The following FAM222A variants were observed in gnomAD, a reference collection of about 807,000 sequenced individuals.
The protein encoded by FAM222A is family with sequence similarity 222 member A, also known as protein FAM222A.
Under a neutral mutation model 25.8 loss-of-function variants are expected in FAM222A, and 7 were observed. The observed-to-expected ratio is 0.27, with a 90% CI of 0.15 to 0.51. The LOEUF is 0.51. FAM222A is among the 20% of genes least tolerant of loss of function. The pLI, the probability that FAM222A is intolerant of heterozygous loss-of-function variation, is 0.97. For missense variants in FAM222A, 573 were observed against 640.5 expected, an observed-to-expected ratio of 0.89 and a Z score of 1.14; for synonymous variants, 294 against 298.8, an observed-to-expected ratio of 0.98 and a Z score of 0.17.
intron 2 of FAM222A, among the ~76,000 whole-genome samples, chr12:109,763,802 GGAGT>G (rs1888965129): frequency 6.6e-6 from 1 of 152,290 alleles, no homozygotes; most frequent in African/African-American, 2.4e-5. Context: ...AAAAATCATT[GGAGT>G]GAGTGGCAGA....
At chr12:109,719,634 C>T (rs1226141698) in intron 1 of FAM222A, among the ~76,000 whole-genome samples, 1 of 152,104 alleles carries the variant, frequency 6.6e-6, no homozygotes, top group Non-Finnish European at 1.5e-5. Flanking sequence ...TGCTCTGTGC[C>T]CTGAGGACTG....
chr12:109,769,567 A>G lies in FAM222A; in HGVS notation c.*279A>G. 2.0e-6 allele frequency: 1 copy of G among 489,008 alleles called. No homozygotes were observed. Among genetic ancestry groups the G allele is most frequent in the Non-Finnish European group, 3.6e-6 (1 of 275,596 alleles). 30.3% of individuals were successfully genotyped at this position (489,008 alleles called of 1,614,324 possible). A position where few individuals can be genotyped will look rare whatever the true frequency, so the allele number is the denominator to read the frequency against. Reference sequence around the variant, plus strand: ...TGCCTTCCTTTATCTAAGCTGGCAGAGGCAGGGAGAGAGAAACCACTCAAA... The same window carrying G: ...TGCCTTCCTTTATCTAAGCTGGCAGGGGCAGGGAGAGAGAAACCACTCAAA... On this transcript the variant is annotated 3_prime_UTR_variant, in exon 3 of 3. Coordinates refer to ENST00000538780, the MANE Select transcript of FAM222A (RefSeq NM_032829.3).
intron 1 of FAM222A, among the ~76,000 whole-genome samples, chr12:109,740,237 C>A (rs940349734): frequency 6.6e-6 from 1 of 152,168 alleles, no homozygotes; most frequent in Non-Finnish European, 1.5e-5. Flanking sequence ...AAGGACACAT[C>A]GACAGCTGGG....
intron 1 of FAM222A, among the ~76,000 whole-genome samples, chr12:109,729,201 A>G (rs1887895657): frequency 6.6e-6 from 1 of 151,152 alleles, no homozygotes; most frequent in Non-Finnish European, 1.5e-5. Context: ...CCCAAGAGAA[A>G]GCAGACAATA....
chr12:109,716,810 A>G (rs1250768917), intron 1 of FAM222A, among the ~76,000 whole-genome samples: 1 of 152,248 alleles, frequency 6.6e-6, no homozygotes. Flanking sequence ...CTTGGCACTC[A>G]GCGTGCCAGA....
At chr12:109,746,532 T>G (rs188973320) in intron 2 of FAM222A, among the ~76,000 whole-genome samples, 1 of 152,220 alleles carries the variant, frequency 6.6e-6, no homozygotes, top group Admixed American at 6.5e-5. Context: ...TGACTTATAG[T>G]TTATTGGGTA....
At chr12:109,765,402 G>C (rs943930647) in intron 2 of FAM222A, among the ~76,000 whole-genome samples, 3 of 152,096 alleles carry the variant, frequency 2.0e-5, no homozygotes, top group African/African-American at 7.2e-5. Flanking sequence ...AGGCCCTCCC[G>C]GCCGGCCACC....
At chr12:109,754,385 A>G (rs944337143) in intron 2 of FAM222A, among the ~76,000 whole-genome samples, 1 of 152,206 alleles carries the variant, frequency 6.6e-6, no homozygotes, top group Non-Finnish European at 1.5e-5. Context: ...AGAAAAAAAA[A>G]AGAAAACCCA....
chr12:109,746,034 T>C (rs1271750343), intron 2 of FAM222A, among the ~76,000 whole-genome samples: 3 of 152,188 alleles, frequency 2.0e-5, no homozygotes, highest in Non-Finnish European at 4.4e-5. Flanking sequence ...TGGTTTTTGT[T>C]TTTGATTCTG....
At chr12:109,741,074 A>G (rs1888228065) in intron 1 of FAM222A, among the ~76,000 whole-genome samples, 1 of 152,220 alleles carries the variant, frequency 6.6e-6, no homozygotes, top group East Asian at 1.9e-4. Flanking sequence ...GGGGCCAGAG[A>G]GGTTTTAAGG....
At chr12:109,751,142 G>T (rs1307983028) in intron 2 of FAM222A, among the ~76,000 whole-genome samples, 1 of 151,734 alleles carries the variant, frequency 6.6e-6, no homozygotes, top group Non-Finnish European at 1.5e-5. Flanking sequence ...ATTTTATGTT[G>T]CTCACTTTTT....
At chr12:109,760,792 G>A (rs529331364) in intron 2 of FAM222A, among the ~76,000 whole-genome samples, 7 of 152,358 alleles carry the variant, frequency 4.6e-5, no homozygotes, top group Admixed American at 1.3e-4. Flanking sequence ...TCAACAGAGG[G>A]TGGCGTATGA....
In FAM222A at chr12:109,769,042, G is replaced by A; in HGVS notation, c.1113G>A (p.Glu371=). ...YNPAAAVVVT[E]LGPGAARELA... Reference sequence around the variant, plus strand: ...CAGCGGCGGCGGTGGTGGTCACGGAGCTGGGGCCGGGGGCAGCCCGGGAGC... The same window carrying A: ...CAGCGGCGGCGGTGGTGGTCACGGAACTGGGGCCGGGGGCAGCCCGGGAGC... Residue 371 remains glutamate (E), a synonymous_variant, in exon 3 of 3, where the codon GAG becomes GAA. Transcript: ENST00000538780. The A allele has an allele frequency of 6.3e-7, 1 of 1,586,208 alleles. No homozygotes were observed. The highest frequency in any genetic ancestry group is 8.6e-7 in the Non-Finnish European group (1 of 1,167,676).
chr12:109,755,416 C>G (rs1376839088), intron 2 of FAM222A, among the ~76,000 whole-genome samples: 1 of 145,916 alleles, frequency 6.9e-6, no homozygotes, highest in Non-Finnish European at 1.5e-5. Context: ...GCAACCTCTG[C>G]CTCCCGAGTT....
intron 1 of FAM222A, among the ~76,000 whole-genome samples, chr12:109,715,737 G>C (rs909006830): frequency 6.6e-6 from 1 of 152,166 alleles, no homozygotes; most frequent in Non-Finnish European, 1.5e-5. Context: ...CCTGTGCCTC[G>C]GGGCTCAGGC....
At chr12:109,720,186 G>C in intron 1 of FAM222A, 1 of 985,454 alleles carries the variant, frequency 1.0e-6, no homozygotes, top group Non-Finnish European at 1.2e-6. Context: ...GCAGCTGTTT[G>C]GGGCCCTGGG....
intron 1 of FAM222A, among the ~76,000 whole-genome samples, chr12:109,728,884 T>C (rs1480988669): frequency 2.0e-5 from 3 of 151,884 alleles, no homozygotes; most frequent in Non-Finnish European, 4.4e-5. Flanking sequence ...TCCCGTTCCA[T>C]CTCTAAGACT....
Position 109,768,094 on chromosome 12 carries a change from C to T in FAM222A, c.165C>T (p.Asn55=). Residue 55 remains asparagine (N), a synonymous_variant, in exon 3 of 3, where the codon AAC becomes AAT. Transcript: ENST00000538780. ...ELDAYAEKVA[N]SPLSIKIFPT... is the part of the protein sequence containing the mutation. Reference sequence around the variant, plus strand: ...ACGCCTATGCCGAGAAGGTGGCCAACAGCCCGCTGTCCATCAAGATCTTCC... The same window carrying T: ...ACGCCTATGCCGAGAAGGTGGCCAATAGCCCGCTGTCCATCAAGATCTTCC... 1 of 1,614,008 alleles carries T rather than the reference C, an allele frequency of 6.2e-7. No homozygotes were observed. The highest frequency in any genetic ancestry group is 8.5e-7 in the Non-Finnish European group (1 of 1,180,030).
rs1230981917 is a variant in FAM222A at position 109,769,029 on chromosome 12, T to C, written c.1100T>C (p.Val367Ala). ...TSDCYNPAAAVVVTELGPGAA... is the reference protein window; with the variant it reads ...TSDCYNPAAAAVVTELGPGAA... ...GACTGCTACAACCCAGCGGCGGCGG[T>C]GGTGGTCACGGAGCTGGGGCCGGGG... The change falls in exon 3 of 3, where the codon GTG becomes GCG. Residue 367 changes from valine to alanine, a missense_variant. Coordinates refer to ENST00000538780, the MANE Select transcript of FAM222A (RefSeq NM_032829.3). The C allele has an allele frequency of 9.5e-6, 15 of 1,582,672 alleles. No homozygotes were observed. Among genetic ancestry groups the C allele is most frequent in the African/African-American group, 1.3e-5 (1 of 74,340 alleles).
Sources: allele counts gnomAD v4.1 joint callset (sites outside exome capture counted in the v4.1 genomes callset), GRCh38; gene constraint gnomAD v4.1.1; transcripts MANE v1.5; gene names NCBI Gene and HGNC (gene_info 2026-07-23, HGNC 2026-07-21).